The following TBC1D19 variants were observed in gnomAD, a reference collection of about 807,000 sequenced individuals.
TBC1D19 encodes TBC1 domain family, member 19.
In TBC1D19, 60 loss-of-function variants were observed where a neutral mutation model predicts 89.0. That is an observed-to-expected ratio of 0.67 (90% CI 0.55 to 0.84). TBC1D19 has a LOEUF of 0.84. Among genes scored for constraint, TBC1D19 ranks in the 40% least tolerant of loss-of-function variants. TBC1D19 has a pLI of 0.00. For synonymous variants in TBC1D19, 189 were observed against 199.7 expected (o/e 0.95, Z 0.45); for missense variants, 500 against 610.8 (o/e 0.82, Z 1.91).
At chr4:26,605,261 T>C (rs375425771) in intron 1 of TBC1D19, among the ~76,000 whole-genome samples, 1 of 139,500 alleles carries the variant, frequency 7.2e-6, no homozygotes, top group East Asian at 2.3e-4. Flanking sequence ...TGTCCATGTG[T>C]TCTCATTGTT....
chr4:26,588,133 CTTCT>C (rs1210251958), intron 1 of TBC1D19, among the ~76,000 whole-genome samples: 1 of 150,174 alleles, frequency 6.7e-6, no homozygotes, highest in African/African-American at 2.5e-5. Flanking sequence ...TCACGCCATT[CTTCT>C]ACCTCAGCCT....
At chr4:26,593,676 A>G (rs1243846943) in intron 1 of TBC1D19, among the ~76,000 whole-genome samples, 3 of 152,198 alleles carry the variant, frequency 2.0e-5, no homozygotes, top group East Asian at 1.9e-4. Context: ...ACAAGTGGGC[A>G]AAGGATATGA....
chr4:26,692,500 T>G (rs551014225), intron 13 of TBC1D19, among the ~76,000 whole-genome samples: 6 of 152,282 alleles, frequency 3.9e-5, no homozygotes, highest in African/African-American at 1.4e-4. Flanking sequence ...CCAAGAGAAG[T>G]AGGCCACTGT....
At chr4:26,798,616 T>C in the TBC1D19 span, among the ~76,000 whole-genome samples, 1 of 152,004 alleles carries the variant, frequency 6.6e-6, no homozygotes. Context: ...ATTGCAGCAC[T>C]ATTCAAGTCA....
At chr4:26,789,791 G>A in the TBC1D19 span, among the ~76,000 whole-genome samples, 1 of 152,078 alleles carries the variant, frequency 6.6e-6, no homozygotes, top group Non-Finnish European at 1.5e-5. Context: ...GAGTCAAAGT[G>A]TTCATCAATG....
the TBC1D19 span, among the ~76,000 whole-genome samples, chr4:26,843,053 G>A: frequency 1.3e-5 from 2 of 152,318 alleles, no homozygotes; most frequent in East Asian, 1.9e-4. Context: ...CGTTTCTACA[G>A]CTATCTGGGT....
chr4:26,616,971 G>T (rs1741737686), intron 3 of TBC1D19, among the ~76,000 whole-genome samples: 2 of 152,130 alleles, frequency 1.3e-5, no homozygotes, highest in Admixed American at 1.3e-4. Flanking sequence ...ACAACCCTAT[G>T]AAGTAAAATT....
intron 16 of TBC1D19, among the ~76,000 whole-genome samples, chr4:26,738,431 A>G (rs564282823): frequency 2.6e-4 from 40 of 151,890 alleles, no homozygotes; most frequent in African/African-American, 9.6e-4. Flanking sequence ...TTATAATAAT[A>G]CCATATATTT....
chr4:26,806,754 G>A, the TBC1D19 span, among the ~76,000 whole-genome samples: 2 of 152,348 alleles, frequency 1.3e-5, no homozygotes, highest in East Asian at 1.9e-4. Context: ...AATGACTGGT[G>A]TCCTTGCAAG....
intron 13 of TBC1D19, among the ~76,000 whole-genome samples, chr4:26,696,764 T>A (rs557159542): frequency 1.3e-5 from 2 of 152,242 alleles, no homozygotes; most frequent in African/African-American, 4.8e-5. Context: ...GACTACTGGG[T>A]ACATAACGAA....
At chr4:26,735,091 CACATGTATATATGTATAT>C (rs1717950460) in intron 15 of TBC1D19, among the ~76,000 whole-genome samples, 1 of 149,220 alleles carries the variant, frequency 6.7e-6, no homozygotes, top group Non-Finnish European at 1.5e-5. Flanking sequence ...TATATGTATA[CACATGTATATATGTATAT>C]ATGTATACAC....
the TBC1D19 span, among the ~76,000 whole-genome samples, chr4:26,845,203 A>AT: frequency 1.3e-5 from 2 of 152,138 alleles, no homozygotes; most frequent in African/African-American, 2.4e-5. Context: ...GCCATCATTT[A>AT]TTTTACCATT....
chr4:26,673,948 C>A, intron 11 of TBC1D19, 60 bp downstream of exon 11: 1 of 1,014,890 alleles, frequency 9.9e-7, no homozygotes. Flanking sequence ...TTTCAAAGAC[C>A]AGTTATTCAA....
the TBC1D19 span, among the ~76,000 whole-genome samples, chr4:26,787,216 C>G: frequency 6.6e-6 from 1 of 151,592 alleles, no homozygotes; most frequent in Non-Finnish European, 1.5e-5. Context: ...ATTCTCATGC[C>G]TCAGCTTCCC....
chr4:26,645,348 C>G (rs975636621), intron 7 of TBC1D19, among the ~76,000 whole-genome samples: 2 of 152,150 alleles, frequency 1.3e-5, no homozygotes, highest in Non-Finnish European at 2.9e-5. Context: ...AGAGATAACA[C>G]CACACATCTA....
At chr4:26,788,612 C>T in the TBC1D19 span, among the ~76,000 whole-genome samples, 1 of 152,100 alleles carries the variant, frequency 6.6e-6, no homozygotes, top group Non-Finnish European at 1.5e-5. Flanking sequence ...TTTCTGCTGC[C>T]CTGGCCCCAT....
chr4:26,719,840 CT>C (rs1253691674), intron 14 of TBC1D19, among the ~76,000 whole-genome samples: 1 of 151,990 alleles, frequency 6.6e-6, no homozygotes, highest in Non-Finnish European at 1.5e-5. Context: ...AGCGTTTGTT[CT>C]TTTGGTTGTT....
intron 3 of TBC1D19, among the ~76,000 whole-genome samples, chr4:26,614,939 A>G (rs534887952): frequency 1.3e-5 from 2 of 152,256 alleles, no homozygotes; most frequent in East Asian, 3.9e-4. Context: ...TGGCCCCCCA[A>G]AGTGCTGGGA....
the TBC1D19 span, among the ~76,000 whole-genome samples, chr4:26,846,319 C>A: frequency 1.3e-5 from 2 of 151,900 alleles, no homozygotes; most frequent in African/African-American, 2.4e-5. Flanking sequence ...ATTTTTAAAC[C>A]TTGTTAATAG....
Sources: gnomAD v4.1 joint callset for allele counts (sites outside exome capture counted in the v4.1 genomes callset) on GRCh38, gnomAD v4.1.1 for gene constraint, MANE v1.5 for transcripts, NCBI Gene and HGNC (gene_info 2026-07-23, HGNC 2026-07-21) for gene names.